Variants in MANBA observed in about 807,000 individuals in gnomAD.
MANBA encodes beta-mannosidase.
MANBA carries 83 observed loss-of-function variants against 111.1 expected under a neutral mutation model. The ratio of observed to expected loss-of-function variants is 0.75; its 90% CI spans 0.63 to 0.90. The LOEUF is 0.90. MANBA is among the 40% of genes least tolerant of loss of function. The pLI is 0.00. For synonymous variants in MANBA, 370 were observed against 378.7 expected (o/e 0.98, Z 0.27); for missense variants, 1,036 against 1,069.0 (o/e 0.97, Z 0.43).
intron 13 of MANBA, among the ~76,000 whole-genome samples, chr4:102,645,350 TGG>T (rs1439707383): frequency 6.6e-6 from 1 of 152,110 alleles, no homozygotes; most frequent in Non-Finnish European, 1.5e-5. Flanking sequence ...TGTCTGGTTT[TGG>T]TATCACAGTA....
At chr4:102,668,652 T>G in intron 10 of MANBA, 1 of 329,774 alleles carries the variant, frequency 3.0e-6, no homozygotes, top group Non-Finnish European at 5.8e-6. Flanking sequence ...CAATATAAGT[T>G]TAGTTTGTAC....
chr4:102,688,805 C>T (rs774445208), intron 7 of MANBA, among the ~76,000 whole-genome samples: 10 of 152,012 alleles, frequency 6.6e-5, no homozygotes, highest in Non-Finnish European at 1.0e-4. Context: ...CAGAAAACAC[C>T]AGTAGAAGCA....
At position 102,650,686 on chromosome 4, in the gene MANBA, C is replaced by A; in HGVS notation, c.1720G>T (p.Asp574Tyr). Reference sequence around the variant, plus strand: ...GAAAACTTGCTATTGAAAGACCAGTCCTCTGTAGACGAGACCTTTCAAATA... The same window carrying A: ...GAAAACTTGCTATTGAAAGACCAGTACTCTGTAGACGAGACCTTTCAAATA... ...STLEKVSSTE[D>Y]WSFNSKFSLH... is the part of the protein sequence containing the mutation. The change falls in exon 13 of 17, where the codon GAC becomes TAC. Residue 574 changes from aspartate (D) to tyrosine (Y), a missense_variant. Physicochemically the swap from Asp to Tyr is radical, Grantham distance 160 (BLOSUM62 -3). Transcript: ENST00000647097. The A allele has an allele frequency of 6.2e-7, 1 of 1,612,598 alleles. No homozygotes were observed. Among genetic ancestry groups the A allele is most frequent in the Non-Finnish European group, 8.5e-7 (1 of 1,178,752 alleles).
chr4:102,718,321 G>A lies in MANBA; in HGVS notation c.550-3760C>T, dbSNP rs975519065. 6.2e-4 allele frequency among the ~76,000 whole-genome samples: 94 copies of A among 152,296 alleles called. 1 individual carries two copies. The highest frequency in any genetic ancestry group is 2.2e-3 in the African/African-American group (91 of 41,552). ...ATGCTAAATAAGCATCTGAATGTAAGGTCTGGAATTGAAGACAAGTTGGAC... is the reference window on the plus strand; with the variant it reads ...ATGCTAAATAAGCATCTGAATGTAAAGTCTGGAATTGAAGACAAGTTGGAC... On this transcript the variant is annotated intron_variant, in intron 4 of 16. Transcript: ENST00000647097.
chr4:102,692,563 T>A (rs1732528768), intron 5 of MANBA, among the ~76,000 whole-genome samples: 1 of 152,076 alleles, frequency 6.6e-6, no homozygotes, highest in South Asian at 2.1e-4. Context: ...GACCGTTTTT[T>A]AAAGTTACGC....
intron 4 of MANBA, among the ~76,000 whole-genome samples, chr4:102,720,536 C>A (rs1310140578): frequency 1.3e-5 from 2 of 151,176 alleles, no homozygotes; most frequent in Non-Finnish European, 2.9e-5. Context: ...ACCCGGGAGG[C>A]AGAGGTTGCA....
chr4:102,677,880 T>C (rs1731794257), intron 7 of MANBA, among the ~76,000 whole-genome samples: 1 of 152,202 alleles, frequency 6.6e-6, no homozygotes, highest in Admixed American at 6.5e-5. Flanking sequence ...CAGTCATATG[T>C]GCCATGGTTT....
chr4:102,667,272 A>G (rs1304810632), intron 10 of MANBA: 1 of 152,212 alleles, frequency 6.6e-6, no homozygotes, highest in Admixed American at 6.5e-5. Context: ...TAGGGAGTCC[A>G]ATCAGAAAAC....
intron 8 of MANBA, 118 bp from the exon 9 acceptor site, chr4:102,671,516 CA>C (rs1731498929): frequency 5.8e-6 from 4 of 694,676 alleles, no homozygotes; most frequent in Non-Finnish European, 1.0e-5. Flanking sequence ...GGTTTGGTTA[CA>C]ATGTAAATTA....
intron 13 of MANBA, among the ~76,000 whole-genome samples, chr4:102,640,523 T>G (rs1729834253): frequency 6.6e-6 from 1 of 152,200 alleles, no homozygotes; most frequent in Non-Finnish European, 1.5e-5. Flanking sequence ...GACACCATCA[T>G]GGAAAAATCA....
At chr4:102,712,513 A>G (rs1173796248) in intron 5 of MANBA, among the ~76,000 whole-genome samples, 1 of 148,272 alleles carries the variant, frequency 6.7e-6, no homozygotes, top group Admixed American at 6.9e-5. Context: ...ACTTTTTGCT[A>G]AATCGGACCA....
At position 102,760,962 on chromosome 4, in the gene MANBA, G is replaced by A. The variant is rs1050699176; in HGVS notation, c.-68C>T. On this transcript the variant is annotated 5_prime_UTR_variant, in exon 1 of 17. Coordinates refer to ENST00000647097, the MANE Select transcript of MANBA (RefSeq NM_005908.4). ...AGCGCTGCAAGGGACCGGCGGTGAA[G>A]CCACTCACCCCCTCGGAAGTAGCCG... is the stretch of plus-strand genomic sequence containing the variant. 41 of 1,431,598 alleles carry A rather than the reference G, an allele frequency of 2.9e-5. No homozygotes were observed. The African/African-American group carries it at 3.4e-4, about 12-fold the overall frequency. The allele number at this position is 1,431,598 out of a possible 1,614,324, so 88.7% of individuals were successfully genotyped here.
chr4:102,669,183 G>A, intron 9 of MANBA, 134 bp from the exon 10 acceptor site: 1 of 734,372 alleles, frequency 1.4e-6, no homozygotes, highest in South Asian at 1.5e-5. Context: ...TGTGATCACT[G>A]GGGCGCCATT....
chr4:102,756,234 A>T (rs1724006371), intron 1 of MANBA, among the ~76,000 whole-genome samples: 1 of 152,234 alleles, frequency 6.6e-6, no homozygotes, highest in Non-Finnish European at 1.5e-5. Context: ...CAAATGTCCA[A>T]CAATGATAGA....
chr4:102,729,704 C>A, intron 1 of MANBA: 1 of 1,555,660 alleles, frequency 6.4e-7, no homozygotes, highest in East Asian at 2.2e-5. Context: ...TCAGCTTCTC[C>A]TGGCCCAGAG....
Position 102,728,802 on chromosome 4 carries a change from T to C in MANBA, c.178-2119A>G, listed in dbSNP as rs570495749. On this transcript the variant is annotated intron_variant, in intron 1 of 16. Coordinates refer to ENST00000647097, the MANE Select transcript of MANBA (RefSeq NM_005908.4). ...ACCAGCCTCCCATCATGGGTCTCGA[T>C]CTTCTTCACAACCACTGCCCTGGTG... 120 of 922,726 alleles carry C rather than the reference T, an allele frequency of 1.3e-4. No homozygotes were observed. The East Asian group carries it at 2.9e-3, about 23-fold the overall frequency. The allele number at this position is 922,726 out of a possible 1,614,324, so 57.2% of individuals were successfully genotyped here.
At chr4:102,705,371 C>T (rs1733250596) in intron 5 of MANBA, among the ~76,000 whole-genome samples, 1 of 152,212 alleles carries the variant, frequency 6.6e-6, no homozygotes, top group South Asian at 2.1e-4. Flanking sequence ...CCCGAATGGA[C>T]TGCAGGCTGA....
chr4:102,749,972 G>A (rs1373219726), intron 1 of MANBA, among the ~76,000 whole-genome samples: 1 of 152,068 alleles, frequency 6.6e-6, no homozygotes, highest in Non-Finnish European at 1.5e-5. Context: ...AAACAAGAAA[G>A]TATATGTCCA....
At chr4:102,706,923 C>T (rs1733323332) in intron 5 of MANBA, among the ~76,000 whole-genome samples, 1 of 152,120 alleles carries the variant, frequency 6.6e-6, no homozygotes, top group South Asian at 2.1e-4. Flanking sequence ...GACTACATGA[C>T]ATATGGAATA....
Sources: gnomAD v4.1 joint callset for allele counts (sites outside exome capture counted in the v4.1 genomes callset) on GRCh38, gnomAD v4.1.1 for gene constraint, MANE v1.5 for transcripts, NCBI Gene and HGNC (gene_info 2026-07-23, HGNC 2026-07-21) for gene names.